Variants in SGCD observed in about 807,000 individuals in gnomAD.
SGCD encodes sarcoglycan delta.
Under a neutral mutation model 36.6 loss-of-function variants are expected in SGCD, and 18 were observed. The observed-to-expected ratio is 0.49, with a 90% CI of 0.34 to 0.73. The LOEUF (loss-of-function observed/expected upper bound fraction) is 0.73, where lower values mean the gene tolerates loss of function less well. Among genes scored for constraint, SGCD ranks in the 30% least tolerant of loss-of-function variants. The probability of loss-of-function intolerance (pLI) is 0.01; values close to 1 mark genes in which losing one functional copy is unlikely to be tolerated. For synonymous variants in SGCD, 133 were observed against 130.6 expected, an observed-to-expected ratio of 1.02 and a Z score of -0.12; for missense variants, 387 against 346.7, an observed-to-expected ratio of 1.12 and a Z score of -0.92.
chr5:155,862,924 AAAGACTGCTTTAAAC>A, the SGCD span, among the ~76,000 whole-genome samples: 1 of 152,204 alleles, frequency 6.6e-6, no homozygotes, highest in East Asian at 1.9e-4. Context: ...GAACCCTGAC[AAAGACTGCTTTAAAC>A]ACTGTTGGAG....
chr5:155,836,306 C>T, the SGCD span, among the ~76,000 whole-genome samples: 1 of 152,168 alleles, frequency 6.6e-6, no homozygotes, highest in Non-Finnish European at 1.5e-5. Flanking sequence ...GGCAGTCCCA[C>T]TTGGTTCTTG....
In SGCD at chr5:155,886,670, G is replaced by A. The variant is rs75600459; in HGVS notation, c.-282+16246G>A. ...GTTGCAAAAGGATATTCCTGTAGAA[G>A]ACTGAAGCAAAATGCTTGGGGGTTA... is the stretch of plus-strand genomic sequence containing the variant. On this transcript the variant is annotated intron_variant, in intron 1 of 9. Coordinates refer to the SGCD transcript ENST00000517913. Among the ~76,000 whole-genome samples the A allele has an allele frequency of 4.7e-4, 72 of 152,368 alleles. 3 individuals carry two copies. In the East Asian group the frequency reaches 0.013, roughly 28 times the overall value.
At position 155,923,234 on chromosome 5, in the gene SGCD, GAATAAACTAATACATGTATAATTT is replaced by G. The variant is rs573553070; in HGVS notation, c.-282+52812_-282+52835del. Among the ~76,000 whole-genome samples, 220 of 150,352 alleles carry G rather than the reference GAATAAACTAATACATGTATAATTT, an allele frequency of 1.5e-3. 1 individual carries two copies. The highest frequency in any genetic ancestry group is 2.2e-3 in the Non-Finnish European group (149 of 66,682). On this transcript the variant is annotated intron_variant, in intron 1 of 9. Coordinates refer to the SGCD transcript ENST00000517913. ...GTTACATAATACATGAATAATACAT[GAATAAACTAATACATGTATAATTT>G]ACCAAAAAGACATATATTGGGGGTA...
rs140620194 is a variant in SGCD, at chr5:156,669,266, C to T, written c.575+21730C>T. Among the ~76,000 whole-genome samples the T allele has an allele frequency of 2.2e-3, 337 of 152,264 alleles. 2 individuals carry two copies. Among genetic ancestry groups the T allele is most frequent in the African/African-American group, 7.2e-3 (299 of 41,548 alleles). On this transcript the variant is annotated intron_variant, in intron 7 of 8. Coordinates refer to ENST00000337851, the MANE Select transcript of SGCD (RefSeq NM_000337.6). ...CCACCACCAAATCCACCGCAGACTT[C>T]AGCACAGCCTGTTAGCCAGACACTA...
chr5:156,255,799 C>T (rs1765700829), intron 3 of SGCD, among the ~76,000 whole-genome samples: 1 of 151,924 alleles, frequency 6.6e-6, no homozygotes, highest in Non-Finnish European at 1.5e-5. Flanking sequence ...TTCAGACAAC[C>T]ACCTTTTGAC....
the SGCD span, among the ~76,000 whole-genome samples, chr5:155,823,177 C>G: frequency 6.6e-6 from 1 of 151,434 alleles, no homozygotes; most frequent in South Asian, 2.1e-4. Flanking sequence ...GGAATATGTT[C>G]TTGTGATGAC....
chr5:156,621,652 A>G (rs1159244743), intron 6 of SGCD, among the ~76,000 whole-genome samples: 1 of 152,250 alleles, frequency 6.6e-6, no homozygotes, highest in Non-Finnish European at 1.5e-5. Flanking sequence ...GACTGGAAGG[A>G]TTAATTAATC....
intron 4 of SGCD, among the ~76,000 whole-genome samples, chr5:156,571,129 T>C (rs1007873562): frequency 6.6e-6 from 1 of 152,192 alleles, no homozygotes; most frequent in African/African-American, 2.4e-5. Context: ...TCACTGCCAC[T>C]CTGCCTCCAG....
At position 156,032,706 on chromosome 5, in the gene SGCD, C is replaced by CAAAAAAAAAAAAAAAAAAAAAAA. The variant is rs1171072619; in HGVS notation, c.-281-85164_-281-85142dup. 1.3e-4 allele frequency among the ~76,000 whole-genome samples: 2 copies of CAAAAAAAAAAAAAAAAAAAAAAA among 15,062 alleles called. 1 individual carries two copies. Among genetic ancestry groups the CAAAAAAAAAAAAAAAAAAAAAAA allele is most frequent in the African/African-American group, 3.0e-4 (2 of 6,704 alleles). 9.9% of individuals were successfully genotyped at this position (15,062 alleles called of 152,430 possible). On this transcript the variant is annotated intron_variant, in intron 1 of 9. Transcript: ENST00000517913. ...TGGGCGACAGAGCAAGACTCCGTCT[C>CAAAAAAAAAAAAAAAAAAAAAAA]AAAAAAAAAAAAAAAAAAAAAAAAA...
At chr5:155,770,113 C>G in the SGCD span, among the ~76,000 whole-genome samples, 1 of 152,006 alleles carries the variant, frequency 6.6e-6, no homozygotes, top group Non-Finnish European at 1.5e-5. Flanking sequence ...TGGTATCGTG[C>G]TGGGTGCTGA....
intron 7 of SGCD, among the ~76,000 whole-genome samples, chr5:156,672,074 T>A (rs1262022453): frequency 6.6e-6 from 1 of 152,150 alleles, no homozygotes; most frequent in Non-Finnish European, 1.5e-5. Flanking sequence ...TTAATATAAA[T>A]TTGAAAAGGA....
At chr5:155,932,745 GTA>G (rs1757122852) in intron 1 of SGCD, among the ~76,000 whole-genome samples, 1 of 152,040 alleles carries the variant, frequency 6.6e-6, no homozygotes, top group Non-Finnish European at 1.5e-5. Flanking sequence ...TTATCTCTTT[GTA>G]TTTAATGAAT....
At chr5:156,500,631 T>G (rs1164527417) in intron 3 of SGCD, among the ~76,000 whole-genome samples, 1 of 152,208 alleles carries the variant, frequency 6.6e-6, no homozygotes, top group Non-Finnish European at 1.5e-5. Context: ...TTTACACACC[T>G]ATCAAAATAT....
At chr5:156,741,519 G>A (rs143001636) in intron 7 of SGCD, among the ~76,000 whole-genome samples, 5 of 149,566 alleles carry the variant, frequency 3.3e-5, no homozygotes, top group African/African-American at 5.1e-5. Flanking sequence ...AATGTGCCAC[G>A]AAAGGAAGGT....
chr5:156,245,688 G>T (rs1765421954), intron 3 of SGCD, among the ~76,000 whole-genome samples: 1 of 151,972 alleles, frequency 6.6e-6, no homozygotes, highest in South Asian at 2.1e-4. Context: ...GGATAAATGA[G>T]CCCATTAAAT....
chr5:156,042,961 A>G (rs1759674466), intron 1 of SGCD, among the ~76,000 whole-genome samples: 1 of 152,158 alleles, frequency 6.6e-6, no homozygotes, highest in Non-Finnish European at 1.5e-5. Context: ...AGCTTTACAA[A>G]GGCAATTTAG....
At chr5:155,748,906 C>G in the SGCD span, among the ~76,000 whole-genome samples, 1 of 152,258 alleles carries the variant, frequency 6.6e-6, no homozygotes, top group African/African-American at 2.4e-5. Flanking sequence ...CTCACAATGG[C>G]AAAAGTCTCT....
intron 7 of SGCD, among the ~76,000 whole-genome samples, chr5:156,713,234 TA>T (rs1454613314): frequency 6.6e-6 from 1 of 152,116 alleles, no homozygotes; most frequent in Non-Finnish European, 1.5e-5. Flanking sequence ...TTTGAGTTTA[TA>T]AAATAAACTG....
At chr5:156,071,798 C>T (rs1039255449) in intron 1 of SGCD, among the ~76,000 whole-genome samples, 10 of 152,132 alleles carry the variant, frequency 6.6e-5, no homozygotes, top group East Asian at 5.8e-4. Flanking sequence ...GGACTTGCTT[C>T]ATGAATCTGG....
Sources: gnomAD v4.1 joint callset for allele counts (sites outside exome capture counted in the v4.1 genomes callset) on GRCh38, gnomAD v4.1.1 for gene constraint, MANE v1.5 for transcripts, NCBI Gene and HGNC (gene_info 2026-07-23, HGNC 2026-07-21) for gene names.